UGT1A9: variants seen among roughly 807,000 people sequenced by gnomAD.
UGT1A9 encodes UDP glucuronosyltransferase family 1 member A9.
Under a neutral mutation model 45.0 loss-of-function variants are expected in UGT1A9, and 35 were observed. The observed-to-expected ratio is 0.78, with a 90% CI of 0.59 to 1.03. UGT1A9 has a LOEUF of 1.03. UGT1A9 is among the 50% of genes least tolerant of loss of function. The probability of loss-of-function intolerance (pLI) is 0.00; values close to 1 mark genes in which losing one functional copy is unlikely to be tolerated. For missense variants in UGT1A9, 687 were observed against 666.6 expected, an observed-to-expected ratio of 1.03 and a Z score of -0.34; for synonymous variants, 278 against 250.6, an observed-to-expected ratio of 1.11 and a Z score of -1.03.
chr2:233,718,172 C>T lies in UGT1A9; in HGVS notation c.855+45383C>T, dbSNP rs559286089. 3.8e-5 allele frequency: 9 copies of T among 238,986 alleles called. No individual in the cohort carries two copies. In the East Asian group the frequency reaches 7.1e-4, roughly 19 times the overall value. 14.8% of individuals were successfully genotyped at this position (238,986 alleles called of 1,614,324 possible). Reference sequence around the variant, plus strand: ...AGCCTTCCCAAGAATATGATCATCACATCTTGAGCTCAGCCTCCCCGGAGC... The same window carrying T: ...AGCCTTCCCAAGAATATGATCATCATATCTTGAGCTCAGCCTCCCCGGAGC... On this transcript the variant is annotated intron_variant, in intron 1 of 4. Transcript: ENST00000354728.
chr2:233,766,749 C>T (rs756688417), intron 1 of UGT1A9, among the ~76,000 whole-genome samples: 1 of 152,132 alleles, frequency 6.6e-6, no homozygotes, highest in Non-Finnish European at 1.5e-5. Context: ...CAGGTGTGTG[C>T]ATGTGTGTGC....
chr2:233,739,651 G>A (rs1230499129), intron 1 of UGT1A9, among the ~76,000 whole-genome samples: 1 of 152,174 alleles, frequency 6.6e-6, no homozygotes, highest in African/African-American at 2.4e-5. Flanking sequence ...CCCAATTTCT[G>A]TACCCCCATT....
intron 1 of UGT1A9, among the ~76,000 whole-genome samples, chr2:233,735,014 T>C (rs902605197): frequency 1.3e-5 from 2 of 152,232 alleles, no homozygotes; most frequent in Non-Finnish European, 2.9e-5. Context: ...GAGAGTTCTG[T>C]AGATGTCTAT....
chr2:233,691,190 G>A, intron 1 of UGT1A9: 1 of 985,670 alleles, frequency 1.0e-6, no homozygotes, highest in Non-Finnish European at 1.2e-6. Context: ...CAAGAAGGTG[G>A]ACCTGAGCTC....
intron 1 of UGT1A9, chr2:233,743,546 C>G: frequency 7.3e-7 from 1 of 1,367,310 alleles, no homozygotes; most frequent in Non-Finnish European, 9.8e-7. Flanking sequence ...CTCTGACCCC[C>G]CCAAAATATT....
intron 1 of UGT1A9, among the ~76,000 whole-genome samples, chr2:233,689,249 A>G (rs2074933528): frequency 1.3e-5 from 2 of 152,208 alleles, no homozygotes; most frequent in Non-Finnish European, 1.5e-5. Context: ...TGAGTGATTC[A>G]GACTTGACTA....
intron 1 of UGT1A9, chr2:233,729,873 C>G: frequency 2.5e-6 from 4 of 1,613,864 alleles, no homozygotes; most frequent in Non-Finnish European, 3.4e-6. Context: ...TGGATATTCT[C>G]AGTCATGCAT....
intron 1 of UGT1A9, among the ~76,000 whole-genome samples, chr2:233,676,048 A>G (rs1002002761): frequency 6.6e-6 from 1 of 152,212 alleles, no homozygotes; most frequent in African/African-American, 2.4e-5. Flanking sequence ...TGGCCAATTG[A>G]CTAGGTGCCA....
chr2:233,702,042 A>T (rs1306276715), intron 1 of UGT1A9, among the ~76,000 whole-genome samples: 3 of 152,222 alleles, frequency 2.0e-5, no homozygotes, highest in South Asian at 2.1e-4. Context: ...CCCTTCAAAA[A>T]ATTAACAATT....
chr2:233,763,791 A>T (rs995019532), intron 1 of UGT1A9, among the ~76,000 whole-genome samples: 41 of 152,200 alleles, frequency 2.7e-4, no homozygotes, highest in African/African-American at 9.9e-4. Flanking sequence ...TTGGGAGAAA[A>T]GGAATGAAAC....
In UGT1A9 at chr2:233,682,539, T is replaced by C. The variant is rs138921290; in HGVS notation, c.855+9750T>C. On this transcript the variant is annotated intron_variant, in intron 1 of 4. Transcript: ENST00000354728. ...CTTCTCTTAGGGTTCTCAGACGCCATGACTTTCAAGGAGAGAGTATGGAAC... is the reference window on the plus strand; with the variant it reads ...CTTCTCTTAGGGTTCTCAGACGCCACGACTTTCAAGGAGAGAGTATGGAAC... 520 of 1,613,826 alleles carry C rather than the reference T, an allele frequency of 3.2e-4. 1 individual carries two copies. Among genetic ancestry groups the C allele is most frequent in the Non-Finnish European group, 4.0e-4 (467 of 1,179,850 alleles).
chr2:233,693,630 T>C (rs1199518896), intron 1 of UGT1A9: 30 of 1,614,076 alleles, frequency 1.9e-5, no homozygotes, highest in Non-Finnish European at 2.5e-5. Flanking sequence ...TCCCAACGAG[T>C]GGCCAACTTC....
intron 1 of UGT1A9, among the ~76,000 whole-genome samples, chr2:233,730,887 G>T (rs979903664): frequency 2.6e-5 from 4 of 152,076 alleles, no homozygotes; most frequent in African/African-American, 7.2e-5. Context: ...TCTATAGTGG[G>T]ATCTACTCCT....
chr2:233,745,917 G>A (rs976773367), intron 1 of UGT1A9, among the ~76,000 whole-genome samples: 1 of 151,628 alleles, frequency 6.6e-6, no homozygotes, highest in Non-Finnish European at 1.5e-5. Flanking sequence ...AGCTGAGGCA[G>A]TGATTCAGAA....
chr2:233,736,822 C>T (rs1336018032), intron 1 of UGT1A9, among the ~76,000 whole-genome samples: 1 of 152,216 alleles, frequency 6.6e-6, no homozygotes, highest in Non-Finnish European at 1.5e-5. Flanking sequence ...ACTCCAGATG[C>T]TCTTTGCTTT....
At position 233,768,210 on chromosome 2, in the gene UGT1A9, T is replaced by G; in HGVS notation, c.1076-10T>G. 1 of 1,614,186 alleles carries G rather than the reference T, an allele frequency of 6.2e-7. No individual in the cohort carries two copies. The highest frequency in any genetic ancestry group is 1.1e-5 in the South Asian group (1 of 91,084). On this transcript the variant is annotated splice_polypyrimidine_tract_variant and intron_variant, in intron 3 of 4. Transcript: ENST00000354728. Reference sequence around the variant, plus strand: ...GTAACTGCTGACATCCTCCCTATTTTGCATCTCAGGTCACCCGATGACCCG... The same window carrying G: ...GTAACTGCTGACATCCTCCCTATTTGGCATCTCAGGTCACCCGATGACCCG...
chr2:233,757,130 G>T (rs368401609), intron 1 of UGT1A9, among the ~76,000 whole-genome samples: 1 of 151,410 alleles, frequency 6.6e-6, no homozygotes, highest in Non-Finnish European at 1.5e-5. Context: ...GAGGAGGAAT[G>T]AGCTTGGACA....
Position 233,687,349 on chromosome 2 carries a change from A to G in UGT1A9, c.855+14560A>G, listed in dbSNP as rs1338618580. On this transcript the variant is annotated intron_variant, in intron 1 of 4. Transcript: ENST00000354728. ...TTCCCTTGAATGATTTAAACTTCAGATGGGTGGACTGTCTCCTTAGGGAGA... is the reference window on the plus strand; with the variant it reads ...TTCCCTTGAATGATTTAAACTTCAGGTGGGTGGACTGTCTCCTTAGGGAGA... Among the ~76,000 whole-genome samples the G allele has an allele frequency of 2.0e-5, 3 of 152,174 alleles. 1 individual carries two copies. Among genetic ancestry groups the G allele is most frequent in the Non-Finnish European group, 4.4e-5 (3 of 68,028 alleles).
chr2:233,682,435 G>T, intron 1 of UGT1A9: 1 of 1,613,760 alleles, frequency 6.2e-7, no homozygotes, highest in Non-Finnish European at 8.5e-7. Context: ...TCCCCTCTGT[G>T]GTCTTCGCCA....
Sources: gnomAD v4.1 joint callset for allele counts (sites outside exome capture counted in the v4.1 genomes callset) on GRCh38, gnomAD v4.1.1 for gene constraint, MANE v1.5 for transcripts, NCBI Gene and HGNC (gene_info 2026-07-23, HGNC 2026-07-21) for gene names.